ZSCAN5B: variants seen among roughly 807,000 people sequenced by gnomAD.
ZSCAN5B encodes zinc finger and SCAN domain containing 5B.
ZSCAN5B carries 26 observed loss-of-function variants against 25.2 expected under a neutral mutation model. That is an observed-to-expected ratio of 1.03 (90% CI 0.76 to 1.43). The LOEUF is 1.43. ZSCAN5B is among the 40% of genes most tolerant of loss of function. The pLI is 0.00. For synonymous variants in ZSCAN5B, 244 were observed against 240.9 expected, an observed-to-expected ratio of 1.01 and a Z score of -0.12; for missense variants, 745 against 622.1, an observed-to-expected ratio of 1.20 and a Z score of -2.10.
At chr19:56,196,100 TGCA>T (rs1447111154) in intron 1 of ZSCAN5B, among the ~76,000 whole-genome samples, 2 of 152,222 alleles carry the variant, frequency 1.3e-5, no homozygotes, top group African/African-American at 4.8e-5. Flanking sequence ...TCCCCCAGGC[TGCA>T]GTGCAGTGGC....
At chr19:56,197,837 G>C (rs1972783) in exon 1 of ZSCAN5B, 223,414 of 970,422 alleles carry the variant, frequency 0.23, 11,154 homozygotes, top group East Asian at 0.38. Flanking sequence ...ACTCCAGGCC[G>C]CGTTTCCGGT....
exon 5 of ZSCAN5B, chr19:56,190,246 A>G: frequency 6.2e-7 from 1 of 1,614,172 alleles, no homozygotes; most frequent in Non-Finnish European, 8.5e-7. Context: ...CACACGTCAC[A>G]TGCAAAGGGC....
intron 1 of ZSCAN5B, among the ~76,000 whole-genome samples, chr19:56,194,937 A>G (rs4801683): frequency 0.94 from 142,638 of 152,240 alleles, 67,093 homozygotes; most frequent in African/African-American, 0.99. Context: ...GGTTCTAAAC[A>G]TAGCTTCAAA....
intron 1 of ZSCAN5B, among the ~76,000 whole-genome samples, chr19:56,196,196 C>T (rs1026126787): frequency 6.6e-6 from 1 of 151,978 alleles, no homozygotes; most frequent in African/African-American, 2.4e-5. Flanking sequence ...GGATTATAGG[C>T]GTGAGCCACC....
chr19:56,193,003 C>T, exon 2 of ZSCAN5B: 1 of 1,601,748 alleles, frequency 6.2e-7, no homozygotes, highest in Non-Finnish European at 8.5e-7. Context: ...TGACCCAGGG[C>T]TGTTGCAGGG....
intron 2 of ZSCAN5B, among the ~76,000 whole-genome samples, chr19:56,192,416 G>A (rs1469253094): frequency 1.2e-4 from 18 of 152,162 alleles, no homozygotes; most frequent in Non-Finnish European, 1.0e-4. Context: ...CCTGCCTCAG[G>A]ATGGGACTTC....
rs561737213 is a variant in ZSCAN5B, at chr19:56,190,390, C to G, written c.925G>C (p.Glu309Gln). 24 of 1,614,106 alleles carry G rather than the reference C, an allele frequency of 1.5e-5. 1 individual carries two copies. The South Asian group carries it at 2.5e-4, about 17-fold the overall frequency. The change falls in exon 5 of 5, where the codon GAA becomes CAA. Residue 309 changes from glutamate (E) to glutamine (Q), a missense_variant. Transcript: ENST00000586855. Reference sequence around the variant, plus strand: ...GGTGTGGCTTCTCCTTGAGGCTCTTCTTGGGAAATGGAGGAGGCATCTGGT... The same window carrying G: ...GGTGTGGCTTCTCCTTGAGGCTCTTGTTGGGAAATGGAGGAGGCATCTGGT...
In ZSCAN5B at chr19:56,191,014, A is replaced by G. The variant is rs1011647372; in HGVS notation, c.589-27T>C. ...TGAAGAGGAAAAACCAAGAGCAATG[A>G]CTGCCGTGTCTATACTGGTGGAAGT... On this transcript the variant is annotated intron_variant, in intron 3 of 4. Coordinates refer to ENST00000586855, the Ensembl canonical transcript of ZSCAN5B. 5 of 1,613,864 alleles carry G rather than the reference A, an allele frequency of 3.1e-6. No individual in the cohort carries two copies. In the Admixed American group the frequency reaches 6.7e-5, roughly 22 times the overall value.
intron 1 of ZSCAN5B, among the ~76,000 whole-genome samples, chr19:56,196,056 ATTGAT>A (rs943734602): frequency 1.3e-5 from 2 of 151,768 alleles, no homozygotes; most frequent in African/African-American, 4.8e-5. Context: ...ATTTCGTTTT[ATTGAT>A]TTATTTTTTG....
At chr19:56,193,005 G>A (rs1007247006) in exon 2 of ZSCAN5B, 5 of 1,600,572 alleles carry the variant, frequency 3.1e-6, no homozygotes, top group African/African-American at 1.3e-5. Context: ...ACCCAGGGCT[G>A]TTGCAGGGTC....
exon 5 of ZSCAN5B, chr19:56,189,930 G>T: frequency 1.9e-6 from 3 of 1,614,032 alleles, no homozygotes; most frequent in Non-Finnish European, 2.5e-6. Context: ...CTTCTCTCCG[G>T]AGTGGGTGCG....
At chr19:56,190,618 G>T in intron 4 of ZSCAN5B, 43 bp from the exon 5 acceptor site, 1 of 1,591,312 alleles carries the variant, frequency 6.3e-7, no homozygotes, top group Middle Eastern at 1.7e-4. Context: ...TAACAAAGCC[G>T]ATTTTCAATA....
chr19:56,197,752 C>T, exon 1 of ZSCAN5B: 1 of 985,420 alleles, frequency 1.0e-6, no homozygotes, highest in Non-Finnish European at 1.2e-6. Context: ...CGGCTTCTGC[C>T]TCCGACCTTC....
rs2032764389 is a variant in ZSCAN5B at position 56,193,185 on chromosome 19, G to A, written c.-127-6C>T. 8.9e-7 allele frequency: 1 copy of A among 1,126,730 alleles called. No homozygotes were observed. The highest frequency in any genetic ancestry group is 2.6e-5 in the East Asian group (1 of 38,110). 69.8% of individuals were successfully genotyped at this position (1,126,730 alleles called of 1,614,324 possible). A position where few individuals can be genotyped will look rare whatever the true frequency, so the allele number is the denominator to read the frequency against. On this transcript the variant is annotated splice_polypyrimidine_tract_variant and splice_region_variant and intron_variant, in intron 1 of 4. Transcript: ENST00000586855. Reference sequence around the variant, plus strand: ...TTCACAGTTTGTTCAGAAGTCTGCAGGAAAAAAGCATGAGCCCGATTATTT... The same window carrying A: ...TTCACAGTTTGTTCAGAAGTCTGCAAGAAAAAAGCATGAGCCCGATTATTT...
chr19:56,195,505 G>A (rs1599941494), intron 1 of ZSCAN5B, among the ~76,000 whole-genome samples: 1 of 151,840 alleles, frequency 6.6e-6, no homozygotes, highest in East Asian at 1.9e-4. Flanking sequence ...GGATTCGGGG[G>A]AAAGGGGTCC....
chr19:56,192,882 G>T (rs751517999), exon 2 of ZSCAN5B: 1 of 1,613,954 alleles, frequency 6.2e-7, no homozygotes, highest in African/African-American at 1.3e-5. Context: ...CCTGGATGGG[G>T]TCCGACTCCT....
rs758161318 is a variant in ZSCAN5B at position 56,190,581 on chromosome 19, G to A, written c.740-6C>T. ...CTCCTTTGCTCTCACCAGATCTGGTGGAAGAAGGGATTCCACACACAACAG... is the reference window on the plus strand; with the variant it reads ...CTCCTTTGCTCTCACCAGATCTGGTAGAAGAAGGGATTCCACACACAACAG... On this transcript the variant is annotated splice_polypyrimidine_tract_variant and splice_region_variant and intron_variant, in intron 4 of 4. Coordinates refer to ENST00000586855, the Ensembl canonical transcript of ZSCAN5B. 3.7e-6 allele frequency: 6 copies of A among 1,608,632 alleles called. No homozygotes were observed. The Admixed American group carries it at 1.0e-4, about 27-fold the overall frequency.
rs898448614 is a variant in ZSCAN5B, at chr19:56,192,522, G to C, written c.384+147C>G. The stretch of plus-strand genomic sequence containing the variant: ...CTTTCTTTCAGGTTGGCCTCACACA[G>C]TGTGTGGGTTCCTGTATCCCCTCTG... On this transcript the variant is annotated intron_variant, in intron 2 of 4. Transcript: ENST00000586855. 3 of 1,374,818 alleles carry C rather than the reference G, an allele frequency of 2.2e-6. No homozygotes were observed. The African/African-American group carries it at 4.3e-5, about 20-fold the overall frequency. The allele number at this position is 1,374,818 out of a possible 1,614,324, so 85.2% of individuals were successfully genotyped here. A position where few individuals can be genotyped will look rare whatever the true frequency, so the allele number is the denominator to read the frequency against.
chr19:56,197,790 C>G lies in ZSCAN5B; in HGVS notation c.-184G>C. 3.0e-6 allele frequency: 3 copies of G among 985,362 alleles called. No homozygotes were observed. The highest frequency in any genetic ancestry group is 3.6e-6 in the Non-Finnish European group (3 of 829,918). The allele number at this position is 985,362 out of a possible 1,614,324, so 61.0% of individuals were successfully genotyped here. On this transcript the variant is annotated 5_prime_UTR_variant, in exon 1 of 5. Coordinates refer to ENST00000586855, the Ensembl canonical transcript of ZSCAN5B. The stretch of plus-strand genomic sequence containing the variant: ...GGTCTGGGATGCGCTCTCCAACCGG[C>G]CTGGAGCTGAACTGCGTCTATTTAT...
Sources: gnomAD v4.1 joint callset for allele counts (sites outside exome capture counted in the v4.1 genomes callset) on GRCh38, gnomAD v4.1.1 for gene constraint, MANE v1.5 for transcripts, NCBI Gene and HGNC (gene_info 2026-07-23, HGNC 2026-07-21) for gene names.